The following RBFOX1 variants were observed in gnomAD, a reference collection of about 807,000 sequenced individuals.
RBFOX1 encodes RNA binding protein fox-1 homolog 1.
In RBFOX1, 8 loss-of-function variants were observed where a neutral mutation model predicts 57.7. The observed-to-expected ratio is 0.14, with a 90% CI of 0.08 to 0.25. The LOEUF is 0.25. Ranked by LOEUF, RBFOX1 falls within the 10% of genes least tolerant of loss-of-function variation. RBFOX1 has a pLI of 1.00. For synonymous variants in RBFOX1, 326 were observed against 222.4 expected (o/e 1.47, Z -4.15); for missense variants, 611 against 548.5 (o/e 1.11, Z -1.14).
intron 2 of RBFOX1, among the ~76,000 whole-genome samples, chr16:6,520,630 G>T (rs2096480616): frequency 1.3e-5 from 2 of 152,264 alleles, no homozygotes; most frequent in South Asian, 4.2e-4. Flanking sequence ...GAAGGGGAGG[G>T]CTGAAGACTA....
At chr16:6,005,672 C>G (rs560864771) in intron 4 of RBFOX1, among the ~76,000 whole-genome samples, 1 of 152,300 alleles carries the variant, frequency 6.6e-6, no homozygotes, top group Admixed American at 6.5e-5. Flanking sequence ...AAAAATGTCT[C>G]TAGACATTGC....
chr16:6,312,785 A>G (rs1379543062), intron 1 of RBFOX1, among the ~76,000 whole-genome samples: 1 of 137,386 alleles, frequency 7.3e-6, no homozygotes, highest in Non-Finnish European at 1.5e-5. Flanking sequence ...CCTACCTTCC[A>G]TCTTTTCTTC....
At chr16:6,700,778 A>G (rs957324017) in intron 3 of RBFOX1, among the ~76,000 whole-genome samples, 1 of 152,198 alleles carries the variant, frequency 6.6e-6, no homozygotes, top group South Asian at 2.1e-4. Flanking sequence ...TTACCATGTT[A>G]TCTATGGCAT....
intron 1 of RBFOX1, among the ~76,000 whole-genome samples, chr16:5,333,640 G>T (rs752624074): frequency 9.9e-5 from 15 of 152,176 alleles, no homozygotes; most frequent in Non-Finnish European, 2.2e-4. Flanking sequence ...ACGGGGACGT[G>T]TTCTGAGAAT....
chr16:7,432,787 A>G (rs2098692522), intron 4 of RBFOX1, among the ~76,000 whole-genome samples: 1 of 152,148 alleles, frequency 6.6e-6, no homozygotes, highest in Non-Finnish European at 1.5e-5. Flanking sequence ...TCCCCCAAGC[A>G]TTCTGTTGAT....
At chr16:5,600,339 A>C (rs1397009585), downstream of RBFOX1, among the ~76,000 whole-genome samples, 1 of 151,106 alleles carries the variant, frequency 6.6e-6, no homozygotes, top group Non-Finnish European at 1.5e-5. Context: ...AAACCAAATT[A>C]GCTGAGCGTG....
At chr16:5,747,287 A>G (rs2053023408) in intron 3 of RBFOX1, among the ~76,000 whole-genome samples, 1 of 152,210 alleles carries the variant, frequency 6.6e-6, no homozygotes, top group Non-Finnish European at 1.5e-5. Flanking sequence ...TCAGTTTGCC[A>G]GTATTTTATT....
At chr16:5,707,890 C>T (rs2051311746) in intron 3 of RBFOX1, among the ~76,000 whole-genome samples, 1 of 152,116 alleles carries the variant, frequency 6.6e-6, no homozygotes, top group African/African-American at 2.4e-5. Flanking sequence ...CAGTTTCCAG[C>T]TCTGTACTTA....
chr16:7,225,528 C>G (rs919874327), intron 4 of RBFOX1, among the ~76,000 whole-genome samples: 11 of 148,614 alleles, frequency 7.4e-5, no homozygotes, highest in African/African-American at 2.6e-4. Flanking sequence ...TTATAAATTA[C>G]CAGTCTCAAG....
intron 4 of RBFOX1, among the ~76,000 whole-genome samples, chr16:7,316,409 T>C (rs763061943): frequency 1.3e-5 from 2 of 152,244 alleles, no homozygotes; most frequent in African/African-American, 2.4e-5. Context: ...AGGCCCAGAA[T>C]GATTAAGTCA....
intron 4 of RBFOX1, among the ~76,000 whole-genome samples, chr16:7,072,373 G>A (rs77801282): frequency 0.046 from 7,028 of 152,136 alleles, 308 homozygotes; most frequent in East Asian, 0.21. Context: ...TTTGTTTTGT[G>A]GTTTACTTGG....
At chr16:5,459,751 G>A (rs898341251) in intron 1 of RBFOX1, among the ~76,000 whole-genome samples, 4 of 151,770 alleles carry the variant, frequency 2.6e-5, no homozygotes, top group Admixed American at 1.3e-4. Context: ...GCTCACACAC[G>A]CACCTGCATA....
chr16:5,403,521 G>A (rs986651787), intron 1 of RBFOX1, among the ~76,000 whole-genome samples: 2 of 152,052 alleles, frequency 1.3e-5, no homozygotes, highest in Admixed American at 6.5e-5. Flanking sequence ...TTGGCTCACC[G>A]CAACCTCCTC....
intron 4 of RBFOX1, among the ~76,000 whole-genome samples, chr16:6,000,819 T>A (rs9929945): frequency 7.1e-6 from 1 of 140,190 alleles, no homozygotes; most frequent in Non-Finnish European, 1.5e-5. Context: ...GTGGATGAGT[T>A]GGTGGGTGGA....
At chr16:7,629,428 G>A (rs554225700) in intron 10 of RBFOX1, among the ~76,000 whole-genome samples, 1 of 152,278 alleles carries the variant, frequency 6.6e-6, no homozygotes, top group Admixed American at 6.5e-5. Flanking sequence ...TTGTAAGGTT[G>A]GCTTCTTATC....
intron 2 of RBFOX1, among the ~76,000 whole-genome samples, chr16:6,526,831 A>C (rs1421548153): frequency 5.2e-4 from 32 of 61,572 alleles, no homozygotes; most frequent in Admixed American, 5.8e-4. Flanking sequence ...CTCTGTCTCA[A>C]AAAAAAAAAA....
chr16:5,591,653 G>C (rs1024512208), intron 2 of RBFOX1, among the ~76,000 whole-genome samples: 1 of 152,168 alleles, frequency 6.6e-6, no homozygotes, highest in East Asian at 1.9e-4. Context: ...AACAGATGTG[G>C]AGTACTATAC....
chr16:6,437,777 A>G (rs936524138), intron 2 of RBFOX1, among the ~76,000 whole-genome samples: 2 of 152,186 alleles, frequency 1.3e-5, no homozygotes, highest in African/African-American at 4.8e-5. Flanking sequence ...GAAGTTTTAC[A>G]GACTTTTAAA....
intron 3 of RBFOX1, among the ~76,000 whole-genome samples, chr16:6,977,128 A>T (rs893883095): frequency 2.1e-5 from 3 of 139,940 alleles, no homozygotes; most frequent in African/African-American, 8.1e-5. Flanking sequence ...ATTATCATAT[A>T]TATGATATAT....
Sources: gnomAD v4.1 joint callset for allele counts (sites outside exome capture counted in the v4.1 genomes callset) on GRCh38, gnomAD v4.1.1 for gene constraint, MANE v1.5 for transcripts, NCBI Gene and HGNC (gene_info 2026-07-23, HGNC 2026-07-21) for gene names.